Variants in KLHL32 observed in about 807,000 individuals in gnomAD.
KLHL32 encodes kelch like family member 32.
Under a neutral mutation model 64.8 loss-of-function variants are expected in KLHL32, and 35 were observed. The ratio of observed to expected loss-of-function variants is 0.54; its 90% CI spans 0.41 to 0.72. The LOEUF (loss-of-function observed/expected upper bound fraction) is 0.72, where lower values mean the gene tolerates loss of function less well. KLHL32 is among the 30% of genes least tolerant of loss of function. KLHL32 has a pLI of 0.00. For synonymous variants in KLHL32, 259 were observed against 281.0 expected, an observed-to-expected ratio of 0.92 and a Z score of 0.78; for missense variants, 589 against 768.5, an observed-to-expected ratio of 0.77 and a Z score of 2.76.
In KLHL32 at chr6:96,970,852, T is replaced by G. The variant is rs946129875; in HGVS notation, c.23+3769T>G. ...TATAAAGTGTTCTATAGAAATGAAA[T>G]TATTTTATTATAGGGTCTTTTAATA... On this transcript the variant is annotated intron_variant, in intron 2 of 10. Transcript: ENST00000369261. Among the ~76,000 whole-genome samples, 15 of 152,192 alleles carry G rather than the reference T, an allele frequency of 9.9e-5. 1 individual carries two copies. The South Asian group carries it at 1.7e-3, about 17-fold the overall frequency.
chr6:96,931,305 C>T (rs1486216641), intron 1 of KLHL32, among the ~76,000 whole-genome samples: 1 of 152,110 alleles, frequency 6.6e-6, no homozygotes, highest in Non-Finnish European at 1.5e-5. Context: ...TCTGATGACC[C>T]AGGAGTGCAC....
chr6:96,906,510 C>T, the KLHL32 span, among the ~76,000 whole-genome samples: 1 of 152,096 alleles, frequency 6.6e-6, no homozygotes, highest in Non-Finnish European at 1.5e-5. Context: ...AGCCATAGGT[C>T]TCTCTTAGAA....
intron 7 of KLHL32, among the ~76,000 whole-genome samples, chr6:97,118,771 A>G (rs1397425166): frequency 6.6e-6 from 1 of 152,146 alleles, no homozygotes; most frequent in South Asian, 2.1e-4. Flanking sequence ...TGCTGAGCTC[A>G]AGTTCCTAAC....
intron 6 of KLHL32, among the ~76,000 whole-genome samples, chr6:97,102,728 T>C (rs113607722): frequency 2.6e-5 from 4 of 152,318 alleles, no homozygotes; most frequent in African/African-American, 9.6e-5. Flanking sequence ...GGTTTCATTT[T>C]TCCTATGGCA....
chr6:96,935,606 A>G (rs1441468688), intron 1 of KLHL32, among the ~76,000 whole-genome samples: 1 of 152,180 alleles, frequency 6.6e-6, no homozygotes, highest in Non-Finnish European at 1.5e-5. Context: ...TCCAGCCAAA[A>G]TTATCTTTTT....
chr6:97,077,829 A>G (rs968286843), intron 5 of KLHL32, among the ~76,000 whole-genome samples: 1 of 152,164 alleles, frequency 6.6e-6, no homozygotes, highest in Non-Finnish European at 1.5e-5. Context: ...CTCTGTTGCA[A>G]TCTATGAGAA....
At chr6:96,917,286 C>T in the KLHL32 span, among the ~76,000 whole-genome samples, 1 of 152,184 alleles carries the variant, frequency 6.6e-6, no homozygotes, top group Non-Finnish European at 1.5e-5. Context: ...TTCCTCTTTT[C>T]TCCTTGCTTT....
intron 5 of KLHL32, among the ~76,000 whole-genome samples, chr6:97,065,011 G>T (rs568656035): frequency 1.6e-4 from 24 of 152,228 alleles, no homozygotes; most frequent in Admixed American, 3.9e-4. Flanking sequence ...AGGGTTCCCT[G>T]CAGGAGCCGG....
At chr6:97,022,180 C>T (rs562708578) in intron 3 of KLHL32, among the ~76,000 whole-genome samples, 28 of 151,044 alleles carry the variant, frequency 1.9e-4, no homozygotes, top group African/African-American at 7.4e-5. Flanking sequence ...AACCCTATGA[C>T]GGTTTCTACT....
At chr6:97,121,804 T>G (rs1303442695) in intron 7 of KLHL32, among the ~76,000 whole-genome samples, 1 of 152,124 alleles carries the variant, frequency 6.6e-6, no homozygotes, top group Non-Finnish European at 1.5e-5. Flanking sequence ...GTGAACAATA[T>G]CATTTGCTTT....
At chr6:96,933,758 C>A (rs1770227604) in intron 1 of KLHL32, among the ~76,000 whole-genome samples, 1 of 152,174 alleles carries the variant, frequency 6.6e-6, no homozygotes, top group Non-Finnish European at 1.5e-5. Context: ...CTCCTAAGGA[C>A]AGTGCCAGGG....
chr6:97,000,404 A>C (rs544038576), intron 3 of KLHL32, among the ~76,000 whole-genome samples: 67 of 152,288 alleles, frequency 4.4e-4, no homozygotes, highest in African/African-American at 1.5e-3. Context: ...TTTGACAGGA[A>C]GTCTTTCTTG....
chr6:97,140,453 T>TTAA lies in KLHL32; in HGVS notation c.*1176_*1178dup, dbSNP rs1293846898. On this transcript the variant is annotated 3_prime_UTR_variant, in exon 11 of 11. Transcript: ENST00000369261. ...AATACATATTTTATTACTATCTCTT[T>TTAA]TAATAATGCATAGGAATTCTTTTTT... 3 of 152,084 alleles carry TTAA rather than the reference T, an allele frequency of 2.0e-5. No individual in the cohort carries two copies. Among genetic ancestry groups the TTAA allele is most frequent in the African/African-American group, 7.2e-5 (3 of 41,446 alleles). The allele number at this position is 152,084 out of a possible 1,614,324, so 9.4% of individuals were successfully genotyped here. A position where few individuals can be genotyped will look rare whatever the true frequency, so the allele number is the denominator to read the frequency against.
At chr6:96,904,170 C>T in the KLHL32 span, among the ~76,000 whole-genome samples, 1 of 151,538 alleles carries the variant, frequency 6.6e-6, no homozygotes, top group Non-Finnish European at 1.5e-5. Flanking sequence ...ACTAAAACCC[C>T]GTCTCTACTA....
chr6:97,092,921 A>G (rs879741364), intron 6 of KLHL32, among the ~76,000 whole-genome samples: 5 of 152,120 alleles, frequency 3.3e-5, no homozygotes, highest in Admixed American at 3.3e-4. Context: ...CCCAACTTGT[A>G]TTCATGTGCT....
At chr6:97,036,869 A>C (rs1784374392) in intron 3 of KLHL32, among the ~76,000 whole-genome samples, 1 of 152,166 alleles carries the variant, frequency 6.6e-6, no homozygotes, top group South Asian at 2.1e-4. Flanking sequence ...GTTGGTAAAG[A>C]CTGGGGATCT....
intron 1 of KLHL32, among the ~76,000 whole-genome samples, chr6:96,951,213 A>G (rs552417907): frequency 2.6e-5 from 4 of 152,234 alleles, no homozygotes; most frequent in South Asian, 4.2e-4. Context: ...TAGGACAGGG[A>G]AGAAGCCAGG....
intron 1 of KLHL32, among the ~76,000 whole-genome samples, chr6:96,934,422 C>A (rs145905223): frequency 1.2e-4 from 18 of 152,192 alleles, no homozygotes; most frequent in Non-Finnish European, 2.2e-4. Context: ...TGGATCTGGG[C>A]CTCAGCTTTC....
At chr6:96,904,634 A>G in the KLHL32 span, among the ~76,000 whole-genome samples, 6 of 152,334 alleles carry the variant, frequency 3.9e-5, no homozygotes, top group East Asian at 1.2e-3. Flanking sequence ...GTTTTTAATG[A>G]AGCTCGATCA....
Sources: gnomAD v4.1 joint callset for allele counts (sites outside exome capture counted in the v4.1 genomes callset) on GRCh38, gnomAD v4.1.1 for gene constraint, MANE v1.5 for transcripts, NCBI Gene and HGNC (gene_info 2026-07-23, HGNC 2026-07-21) for gene names.